The following DLGAP1 variants were observed in gnomAD, a reference collection of about 807,000 sequenced individuals.
DLGAP1 encodes the protein disks large-associated protein 1.
In DLGAP1, 11 loss-of-function variants were observed where a neutral mutation model predicts 90.8. The observed-to-expected ratio is 0.12, with a 90% CI of 0.08 to 0.20. DLGAP1 has a LOEUF of 0.20. Among genes scored for constraint, DLGAP1 ranks in the 10% least tolerant of loss-of-function variants. The pLI, the probability that DLGAP1 is intolerant of heterozygous loss-of-function variation, is 1.00. For synonymous variants in DLGAP1, 558 were observed against 540.7 expected, an observed-to-expected ratio of 1.03 and a Z score of -0.44; for missense variants, 1,050 against 1,333.8, an observed-to-expected ratio of 0.79 and a Z score of 3.31.
At chr18:3,719,099 AG>A (rs1421276290) in intron 7 of DLGAP1, among the ~76,000 whole-genome samples, 1 of 152,152 alleles carries the variant, frequency 6.6e-6, no homozygotes, top group Admixed American at 6.5e-5. Flanking sequence ...ATGTATGTGT[AG>A]GAAATATTTA....
chr18:3,726,203 C>G (rs898539135), intron 7 of DLGAP1, among the ~76,000 whole-genome samples: 1 of 152,100 alleles, frequency 6.6e-6, no homozygotes, highest in Non-Finnish European at 1.5e-5. Flanking sequence ...CCTACTAAAC[C>G]GAGATGTGCA....
intron 1 of DLGAP1, chr18:4,281,124 T>C (rs1186935468): frequency 6.6e-6 from 1 of 152,234 alleles, no homozygotes; most frequent in African/African-American, 2.4e-5. Flanking sequence ...AAGTAATACT[T>C]GTTGAGTACT....
intron 1 of DLGAP1, among the ~76,000 whole-genome samples, chr18:4,428,662 C>T (rs751228889): frequency 1.3e-5 from 2 of 152,162 alleles, no homozygotes; most frequent in Non-Finnish European, 2.9e-5. Flanking sequence ...ACTTTGCCTC[C>T]CACCATGAGT....
chr18:3,686,601 G>C (rs190281864), intron 7 of DLGAP1, among the ~76,000 whole-genome samples: 1 of 150,400 alleles, frequency 6.6e-6, no homozygotes, highest in Non-Finnish European at 1.5e-5. Flanking sequence ...TTTCACTATT[G>C]AACAAGAGAC....
intron 9 of DLGAP1, 91 bp downstream of exon 9, chr18:3,567,396 TATC>T (rs1247657160): frequency 5.6e-6 from 6 of 1,074,304 alleles, no homozygotes; most frequent in Non-Finnish European, 8.4e-6. Flanking sequence ...TAGAGGAAAA[TATC>T]ATTGAATTTT....
intron 3 of DLGAP1, among the ~76,000 whole-genome samples, chr18:3,933,330 G>GAATT (rs967314756): frequency 6.6e-6 from 1 of 152,172 alleles, no homozygotes; most frequent in African/African-American, 2.4e-5. Context: ...AGTGGGCTGA[G>GAATT]AATTGATCAT....
chr18:4,132,277 A>G (rs1325016915), intron 2 of DLGAP1, among the ~76,000 whole-genome samples: 1 of 152,272 alleles, frequency 6.6e-6, no homozygotes, highest in East Asian at 1.9e-4. Context: ...GAAGACCCTG[A>G]CTAAGCACTC....
intron 2 of DLGAP1, among the ~76,000 whole-genome samples, chr18:4,147,024 T>C (rs1027924928): frequency 4.5e-4 from 69 of 152,136 alleles, no homozygotes; most frequent in Non-Finnish European, 1.0e-3. Context: ...CATGGGATGA[T>C]GCATGCAGAT....
At chr18:4,295,173 CCT>C (rs1338359114) in intron 1 of DLGAP1, 1 of 152,098 alleles carries the variant, frequency 6.6e-6, no homozygotes, top group Non-Finnish European at 1.5e-5. Flanking sequence ...CCAGTATTTC[CCT>C]GTCTCCTTTC....
chr18:3,657,594 C>T (rs1399461622), intron 7 of DLGAP1, among the ~76,000 whole-genome samples: 1 of 150,868 alleles, frequency 6.6e-6, no homozygotes, highest in East Asian at 1.9e-4. Flanking sequence ...AATTGGTTCC[C>T]ATGGAATTCT....
intron 3 of DLGAP1, among the ~76,000 whole-genome samples, chr18:3,985,245 T>A (rs1300262962): frequency 1.3e-5 from 2 of 152,188 alleles, no homozygotes; most frequent in Non-Finnish European, 2.9e-5. Context: ...CTGATGTGAT[T>A]TATGTTATTG....
chr18:3,991,728 C>A (rs759368477), intron 3 of DLGAP1, among the ~76,000 whole-genome samples: 2 of 152,174 alleles, frequency 1.3e-5, no homozygotes, highest in African/African-American at 2.4e-5. Context: ...AATATCTCAC[C>A]CACTCTCCAG....
At chr18:4,341,682 C>T (rs1280837807) in intron 1 of DLGAP1, among the ~76,000 whole-genome samples, 1 of 152,100 alleles carries the variant, frequency 6.6e-6, no homozygotes, top group Non-Finnish European at 1.5e-5. Context: ...GCAGTCCTTA[C>T]AGACTATCAA....
chr18:3,657,743 C>CA (rs1477133755), intron 7 of DLGAP1, among the ~76,000 whole-genome samples: 1 of 151,928 alleles, frequency 6.6e-6, no homozygotes. Context: ...GCTGGTACTA[C>CA]AGGCGCCCGC....
intron 2 of DLGAP1, among the ~76,000 whole-genome samples, chr18:4,019,119 T>C (rs2074569147): frequency 2.0e-5 from 3 of 152,206 alleles, no homozygotes; most frequent in African/African-American, 7.2e-5. Context: ...CTGAGCACAG[T>C]CTATTCTGCT....
chr18:3,787,327 A>G (rs1263763605), intron 5 of DLGAP1, among the ~76,000 whole-genome samples: 2 of 151,826 alleles, frequency 1.3e-5, no homozygotes, highest in Admixed American at 6.6e-5. Flanking sequence ...ACTAAAATAC[A>G]AAACTTAGCT....
intron 5 of DLGAP1, among the ~76,000 whole-genome samples, chr18:3,760,373 G>A (rs958853979): frequency 6.6e-6 from 1 of 152,192 alleles, no homozygotes. Context: ...GGCAAGTGGC[G>A]ACACCTTTTA....
At chr18:3,523,576 G>A (rs544907803) in intron 10 of DLGAP1, among the ~76,000 whole-genome samples, 177 of 151,554 alleles carry the variant, frequency 1.2e-3, no homozygotes, top group East Asian at 4.7e-3. Context: ...GACCAGGTGC[G>A]GTGGCTCACG....
chr18:3,568,907 C>G (rs939286560), intron 8 of DLGAP1, among the ~76,000 whole-genome samples: 12 of 151,766 alleles, frequency 7.9e-5, no homozygotes, highest in East Asian at 1.9e-4. Context: ...AGGATGGTCT[C>G]GATCTCCTGA....
Sources: allele counts gnomAD v4.1 joint callset (sites outside exome capture counted in the v4.1 genomes callset), GRCh38; gene constraint gnomAD v4.1.1; transcripts MANE v1.5; gene names NCBI Gene and HGNC (gene_info 2026-07-23, HGNC 2026-07-21).